Variants in CEP89 observed in about 807,000 individuals in gnomAD.
CEP89 encodes the protein centrosomal protein of 89 kDa.
In CEP89, 95 loss-of-function variants were observed where a neutral mutation model predicts 97.6. That is an observed-to-expected ratio of 0.97 (90% CI 0.82 to 1.15). The LOEUF (loss-of-function observed/expected upper bound fraction) is 1.15. CEP89 is among the 50% of genes most tolerant of loss of function. The pLI, the probability that CEP89 is intolerant of heterozygous loss-of-function variation, is 0.00. For synonymous variants in CEP89, 354 were observed against 349.1 expected (o/e 1.01, Z -0.16); for missense variants, 869 against 947.7 (o/e 0.92, Z 1.09).
At chr19:32,935,122 C>A (rs1970553464) in intron 7 of CEP89, among the ~76,000 whole-genome samples, 1 of 152,154 alleles carries the variant, frequency 6.6e-6, no homozygotes, top group Admixed American at 6.6e-5. Flanking sequence ...GCCCTGAGGG[C>A]AGAAAGGCAG....
At position 32,951,534 on chromosome 19, in the gene CEP89, T is replaced by TATATACACAC. The variant is rs1407110112; in HGVS notation, c.492+2080_492+2081insGTGTGTATAT. On this transcript the variant is annotated intron_variant, in intron 4 of 18. Coordinates refer to ENST00000305768, the MANE Select transcript of CEP89 (RefSeq NM_032816.5). ...AATTATATATATATATATATATATA[T>TATATACACAC]ACACACACACACACACACACACACA... Among the ~76,000 whole-genome samples, 89 of 122,034 alleles carry TATATACACAC rather than the reference T, an allele frequency of 7.3e-4. 1 individual carries two copies. Among genetic ancestry groups the TATATACACAC allele is most frequent in the African/African-American group, 2.0e-3 (60 of 29,270 alleles). 80.1% of individuals were successfully genotyped at this position (122,034 alleles called of 152,430 possible). A position where few individuals can be genotyped will look rare whatever the true frequency, so the allele number is the denominator to read the frequency against.
chr19:32,882,282 A>G (rs933085571), intron 17 of CEP89, among the ~76,000 whole-genome samples: 1 of 152,216 alleles, frequency 6.6e-6, no homozygotes, highest in Admixed American at 6.5e-5. Context: ...AAATATCACC[A>G]TTGGAAACAG....
At chr19:32,933,311 A>C (rs372587207) in intron 8 of CEP89, 140 bp downstream of exon 8, 2 of 679,218 alleles carry the variant, frequency 2.9e-6, no homozygotes, top group Admixed American at 2.7e-5. Context: ...CTCAACAAAC[A>C]TAAGGATATT....
Position 32,931,751 on chromosome 19 carries a change from C to T in CEP89, c.887-180G>A, listed in dbSNP as rs79037782. Among the ~76,000 whole-genome samples, 345 of 152,044 alleles carry T rather than the reference C, an allele frequency of 2.3e-3. 7 individuals are homozygous for T. In the East Asian group the frequency reaches 0.038, roughly 17 times the overall value. On this transcript the variant is annotated intron_variant, in intron 8 of 18. Coordinates refer to ENST00000305768, the MANE Select transcript of CEP89 (RefSeq NM_032816.5). Reference sequence around the variant, plus strand: ...GTGTGTGAATGAATAAAAGTTACAACGTTTTTTAACACTGAATAGTTAACG... The same window carrying T: ...GTGTGTGAATGAATAAAAGTTACAATGTTTTTTAACACTGAATAGTTAACG...
intron 14 of CEP89, among the ~76,000 whole-genome samples, chr19:32,913,797 C>T (rs914100154): frequency 6.6e-6 from 1 of 152,008 alleles, no homozygotes; most frequent in Non-Finnish European, 1.5e-5. Flanking sequence ...TGCCACCATG[C>T]CTGGCTAATT....
chr19:32,962,176 G>C (rs1201039921), intron 2 of CEP89, among the ~76,000 whole-genome samples: 1 of 152,166 alleles, frequency 6.6e-6, no homozygotes, highest in African/African-American at 2.4e-5. Context: ...TGGATTATGG[G>C]GGTGGTTTCC....
intron 2 of CEP89, among the ~76,000 whole-genome samples, chr19:32,960,605 C>G (rs576351872): frequency 3.7e-4 from 56 of 151,966 alleles, no homozygotes; most frequent in Admixed American, 2.7e-3. Context: ...GTCAGGAGAT[C>G]GAGACCAGCC....
intron 9 of CEP89, among the ~76,000 whole-genome samples, chr19:32,930,979 A>G (rs949805616): frequency 2.0e-5 from 3 of 151,944 alleles, no homozygotes; most frequent in Non-Finnish European, 4.4e-5. Context: ...TTGACCTCCC[A>G]TGCTCAAGAG....
intron 9 of CEP89, among the ~76,000 whole-genome samples, chr19:32,930,182 T>C (rs889666938): frequency 1.8e-4 from 27 of 151,928 alleles, no homozygotes; most frequent in African/African-American, 6.0e-4. Flanking sequence ...CGCACGACCA[T>C]GCCTGGCTAA....
At chr19:32,901,176 G>GT (rs2145888255) in intron 15 of CEP89, 69 bp downstream of exon 15, 2 of 1,487,820 alleles carry the variant, frequency 1.3e-6, no homozygotes, top group South Asian at 2.5e-5. Context: ...GTGAGCCACT[G>GT]TACCCAGACC....
chr19:32,971,721 C>T, intron 1 of CEP89, 115 bp downstream of exon 1: 1 of 1,049,904 alleles, frequency 9.5e-7, no homozygotes, highest in Admixed American at 2.1e-5. Context: ...AAACCACTTT[C>T]TCTTGTGCCG....
chr19:32,945,517 A>G (rs1287174224), intron 5 of CEP89, among the ~76,000 whole-genome samples: 2 of 152,148 alleles, frequency 1.3e-5, no homozygotes, highest in Non-Finnish European at 2.9e-5. Context: ...CTTCATGGCC[A>G]GCTCATGTTA....
intron 14 of CEP89, among the ~76,000 whole-genome samples, chr19:32,912,579 CTT>C (rs1970024238): frequency 6.6e-6 from 1 of 152,162 alleles, no homozygotes; most frequent in South Asian, 2.1e-4. Flanking sequence ...CACTCTCTCT[CTT>C]TTTCTCACTA....
chr19:32,907,535 T>G (rs1436115644), intron 14 of CEP89, among the ~76,000 whole-genome samples: 3 of 151,148 alleles, frequency 2.0e-5, no homozygotes, highest in African/African-American at 7.3e-5. Flanking sequence ...TACTGCAACC[T>G]CCACCTCCTG....
intron 5 of CEP89, 109 bp from the exon 6 acceptor site, chr19:32,939,994 GC>G: frequency 3.6e-6 from 2 of 562,982 alleles, no homozygotes; most frequent in South Asian, 3.9e-5. Flanking sequence ...GCTCGACAAG[GC>G]CCAGAACAGG....
intron 3 of CEP89, among the ~76,000 whole-genome samples, chr19:32,957,253 T>A (rs1385277501): frequency 6.6e-6 from 1 of 152,176 alleles, no homozygotes; most frequent in Non-Finnish European, 1.5e-5. Context: ...ATTTCTGGGC[T>A]CTGACTGGGT....
At chr19:32,934,409 G>T (rs1411994807) in intron 7 of CEP89, among the ~76,000 whole-genome samples, 1 of 152,190 alleles carries the variant, frequency 6.6e-6, no homozygotes, top group Non-Finnish European at 1.5e-5. Flanking sequence ...GCAAGAAAGT[G>T]GGGTGGAAAC....
intron 14 of CEP89, among the ~76,000 whole-genome samples, chr19:32,907,693 C>G (rs1160371943): frequency 6.6e-6 from 1 of 152,162 alleles, no homozygotes; most frequent in East Asian, 1.9e-4. Flanking sequence ...CTCAAGTGAT[C>G]TGCCCACCTC....
At position 32,915,496 on chromosome 19, in the gene CEP89, AGTT is replaced by A. The variant is rs753970514; in HGVS notation, c.1403_1405del (p.Gln468del). 2 of 1,611,330 alleles carry A rather than the reference AGTT, an allele frequency of 1.2e-6. No individual in the cohort carries two copies. Among genetic ancestry groups the A allele is most frequent in the East Asian group, 4.5e-5 (2 of 44,850 alleles). On this transcript the variant is annotated inframe_deletion, in exon 14 of 19. Transcript: ENST00000305768. ...GTGGGTTTTTGCCTCCAGGAGCATT[AGTT>A]GTTTAGTCAGCTTAGAAACTGAAAA...
Sources: gnomAD v4.1 joint callset for allele counts (sites outside exome capture counted in the v4.1 genomes callset) on GRCh38, gnomAD v4.1.1 for gene constraint, MANE v1.5 for transcripts, NCBI Gene and HGNC (gene_info 2026-07-23, HGNC 2026-07-21) for gene names.